The following CNTLN variants were observed in gnomAD, a reference collection of about 807,000 sequenced individuals.
CNTLN encodes the protein centlein, also known as centlein, centrosomal protein.
A neutral mutation model predicts 180.0 loss-of-function variants in CNTLN; 212 were observed. The observed-to-expected ratio is 1.18, with a 90% CI of 1.05 to 1.32. The LOEUF (loss-of-function observed/expected upper bound fraction) is 1.32. Among genes scored for constraint, CNTLN ranks in the 40% most tolerant of loss-of-function variants. The probability of loss-of-function intolerance (pLI) is 0.00; values close to 1 mark genes in which losing one functional copy is unlikely to be tolerated. For synonymous variants in CNTLN, 722 were observed against 563.1 expected (o/e 1.28, Z -3.99); for missense variants, 2,095 against 1,610.9 (o/e 1.30, Z -5.14).
At chr9:17,504,748 A>G (rs1833901539), downstream of CNTLN, among the ~76,000 whole-genome samples, 2 of 152,176 alleles carry the variant, frequency 1.3e-5, no homozygotes, top group African/African-American at 4.8e-5. Flanking sequence ...AACGGCCATG[A>G]GCCAAAGGAT....
chr9:17,511,631 A>ATCTCTCTC, the CNTLN span, among the ~76,000 whole-genome samples: 8 of 143,292 alleles, frequency 5.6e-5, no homozygotes, highest in East Asian at 1.1e-3. Context: ...AACTTGCTTT[A>ATCTCTCTC]TCTCTCTCTC....
At chr9:17,151,390 A>G (rs1375077343) in intron 2 of CNTLN, among the ~76,000 whole-genome samples, 1 of 152,218 alleles carries the variant, frequency 6.6e-6, no homozygotes, top group Non-Finnish European at 1.5e-5. Context: ...CCTTTTCTGC[A>G]TCTATTGAGA....
chr9:17,450,672 A>G (rs1028894682), intron 18 of CNTLN, among the ~76,000 whole-genome samples: 4 of 152,282 alleles, frequency 2.6e-5, no homozygotes, highest in African/African-American at 9.6e-5. Flanking sequence ...AAAGTCCTCT[A>G]TATTACCTTC....
chr9:17,250,532 A>G (rs373077278), intron 5 of CNTLN, among the ~76,000 whole-genome samples: 233 of 152,034 alleles, frequency 1.5e-3, no homozygotes, highest in African/African-American at 5.3e-3. Flanking sequence ...TGTGCTTACC[A>G]TGTAGATTGC....
intron 8 of CNTLN, among the ~76,000 whole-genome samples, chr9:17,326,433 A>T (rs1398508095): frequency 6.6e-6 from 1 of 152,114 alleles, no homozygotes; most frequent in Admixed American, 6.5e-5. Flanking sequence ...TTTGCTATAC[A>T]TGTAAAGCAG....
At chr9:17,217,140 T>C (rs1164833898) in intron 2 of CNTLN, among the ~76,000 whole-genome samples, 2 of 152,250 alleles carry the variant, frequency 1.3e-5, no homozygotes, top group South Asian at 2.1e-4. Context: ...CTTTTAACTT[T>C]TATGAAGATT....
chr9:17,282,778 AG>A (rs1828743801), intron 6 of CNTLN, among the ~76,000 whole-genome samples: 2 of 152,308 alleles, frequency 1.3e-5, no homozygotes, highest in South Asian at 4.1e-4. Flanking sequence ...GGCATAAGGA[AG>A]GGGTCCAGTT....
chr9:17,409,254 T>C, intron 15 of CNTLN, 39 bp from the exon 16 acceptor site: 1 of 1,586,072 alleles, frequency 6.3e-7, no homozygotes, highest in Non-Finnish European at 8.6e-7. Context: ...GTAACAACTT[T>C]TATTCTTGGA....
At chr9:17,457,811 ATTATG>A (rs1201105333) in intron 19 of CNTLN, 96 bp downstream of exon 19, 2 of 795,034 alleles carry the variant, frequency 2.5e-6, no homozygotes, top group African/African-American at 3.6e-5. Flanking sequence ...ATAAAGGTAA[ATTATG>A]TTATAGATAA....
At chr9:17,486,933 A>T in intron 24 of CNTLN, 56 bp from the exon 25 acceptor site, 1 of 813,364 alleles carries the variant, frequency 1.2e-6, no homozygotes, top group East Asian at 2.5e-5. Flanking sequence ...ATCTAATAGT[A>T]TAAACAAGTT....
chr9:17,198,386 C>CTT (rs61209273), intron 2 of CNTLN, among the ~76,000 whole-genome samples: 1,535 of 109,672 alleles, frequency 0.014, 11 homozygotes, highest in African/African-American at 0.03. Context: ...TCTTTTCTTT[C>CTT]TTTTTTTTTT....
intron 25 of CNTLN, among the ~76,000 whole-genome samples, chr9:17,494,554 G>C (rs1346187230): frequency 1.3e-5 from 2 of 152,006 alleles, no homozygotes; most frequent in African/African-American, 4.8e-5. Context: ...CCCAGGGTCT[G>C]CTGTTCCCCT....
intron 2 of CNTLN, among the ~76,000 whole-genome samples, chr9:17,171,418 T>G (rs1313471831): frequency 1.3e-5 from 2 of 152,186 alleles, no homozygotes; most frequent in South Asian, 2.1e-4. Context: ...CATGCAGTTT[T>G]GTCAGCTGAA....
chr9:17,368,691 A>AAG (rs918698210), intron 13 of CNTLN, among the ~76,000 whole-genome samples: 15 of 152,210 alleles, frequency 9.9e-5, no homozygotes, highest in African/African-American at 3.4e-4. Context: ...GAAAGAAAAC[A>AAG]AGAGTCTCTG....
chr9:17,300,163 C>T (rs1818246957), intron 7 of CNTLN: 1 of 152,150 alleles, frequency 6.6e-6, no homozygotes, highest in South Asian at 2.1e-4. Flanking sequence ...ATTTGCATTA[C>T]ATTTACTGGC....
intron 2 of CNTLN, among the ~76,000 whole-genome samples, chr9:17,155,361 G>T (rs1004797942): frequency 6.6e-6 from 1 of 152,198 alleles, no homozygotes; most frequent in Admixed American, 6.5e-5. Flanking sequence ...GGAATGCTGT[G>T]CTGGGAGGTC....
intron 25 of CNTLN, among the ~76,000 whole-genome samples, chr9:17,490,678 C>CTA (rs1330494442): frequency 6.6e-6 from 1 of 151,878 alleles, no homozygotes; most frequent in Non-Finnish European, 1.5e-5. Context: ...TGCGAATGTA[C>CTA]TAAAAACCAA....
At chr9:17,391,769 A>G (rs1386052886) in intron 14 of CNTLN, among the ~76,000 whole-genome samples, 1 of 152,166 alleles carries the variant, frequency 6.6e-6, no homozygotes, top group Admixed American at 6.5e-5. Context: ...TGTTAAGGTG[A>G]ATGATAATAG....
At chr9:17,196,747 G>GT (rs1563869987) in intron 2 of CNTLN, among the ~76,000 whole-genome samples, 1 of 151,706 alleles carries the variant, frequency 6.6e-6, no homozygotes, top group East Asian at 1.9e-4. Flanking sequence ...TAGTAGGTCT[G>GT]TTTATCTATG....
Sources: allele counts gnomAD v4.1 joint callset (sites outside exome capture counted in the v4.1 genomes callset), GRCh38; gene constraint gnomAD v4.1.1; transcripts MANE v1.5; gene names NCBI Gene and HGNC (gene_info 2026-07-23, HGNC 2026-07-21).